The following NLGN1 variants were observed in gnomAD, a reference collection of about 807,000 sequenced individuals.
The protein encoded by NLGN1 is neuroligin-1.
A neutral mutation model predicts 65.5 loss-of-function variants in NLGN1; 12 were observed. The observed-to-expected ratio is 0.18, with a 90% confidence interval of 0.12 to 0.30. The LOEUF is 0.30. NLGN1 is among the 10% of genes least tolerant of loss of function. The pLI, the probability that NLGN1 is intolerant of heterozygous loss-of-function variation, is 1.00. For synonymous variants in NLGN1, 350 were observed against 359.5 expected (o/e 0.97, Z 0.30); for missense variants, 750 against 1,007.1 (o/e 0.74, Z 3.46).
chr3:174,244,473 A>G (rs915090927), intron 4 of NLGN1, among the ~76,000 whole-genome samples: 1 of 152,210 alleles, frequency 6.6e-6, no homozygotes, highest in African/African-American at 2.4e-5. Context: ...AGATGGAAAT[A>G]CCATACAGAA....
chr3:173,542,259 T>C (rs556628789), intron 2 of NLGN1, among the ~76,000 whole-genome samples: 1 of 152,166 alleles, frequency 6.6e-6, no homozygotes, highest in East Asian at 1.9e-4. Flanking sequence ...TGAATCCTCT[T>C]TTTGTTTTAT....
At chr3:173,800,336 C>A in intron 3 of NLGN1, 1 of 1,215,262 alleles carries the variant, frequency 8.2e-7, no homozygotes, top group Non-Finnish European at 1.1e-6. Context: ...GTGATAATGA[C>A]GGTGCTGAAG....
At chr3:173,888,516 A>G (rs1579006063) in intron 4 of NLGN1, among the ~76,000 whole-genome samples, 1 of 152,014 alleles carries the variant, frequency 6.6e-6, no homozygotes, top group African/African-American at 2.4e-5. Flanking sequence ...TGCAGAACCT[A>G]TGGGTATGGA....
intron 4 of NLGN1, among the ~76,000 whole-genome samples, chr3:174,192,318 T>A (rs1732551790): frequency 6.6e-6 from 1 of 152,160 alleles, no homozygotes. Context: ...ATGGATTTAA[T>A]CAAGTAACCA....
At chr3:173,818,972 A>G (rs2150519655) in intron 4 of NLGN1, among the ~76,000 whole-genome samples, 1 of 124,690 alleles carries the variant, frequency 8.0e-6, no homozygotes, top group South Asian at 2.5e-4. Context: ...ATGATCTTTG[A>G]TGTTCTGCCC....
chr3:173,435,701 A>T (rs1197392609), intron 2 of NLGN1, among the ~76,000 whole-genome samples: 1 of 152,046 alleles, frequency 6.6e-6, no homozygotes, highest in East Asian at 1.9e-4. Flanking sequence ...CAGGCGTGGC[A>T]GTGCACGCCT....
intron 2 of NLGN1, among the ~76,000 whole-genome samples, chr3:173,576,742 G>T (rs1044702371): frequency 1.3e-5 from 2 of 152,082 alleles, no homozygotes; most frequent in Admixed American, 1.3e-4. Context: ...AGTCTCTTTT[G>T]CCATATAAAG....
intron 4 of NLGN1, among the ~76,000 whole-genome samples, chr3:174,035,437 A>G (rs1730923839): frequency 6.6e-6 from 1 of 152,204 alleles, no homozygotes; most frequent in Non-Finnish European, 1.5e-5. Flanking sequence ...CTTGTACACC[A>G]GCCTGTTGTC....
At chr3:173,946,427 T>C (rs1206258553) in intron 4 of NLGN1, among the ~76,000 whole-genome samples, 4 of 152,226 alleles carry the variant, frequency 2.6e-5, no homozygotes, top group Non-Finnish European at 5.9e-5. Flanking sequence ...TTTATGAACA[T>C]TTCCTTTGTC....
intron 3 of NLGN1, among the ~76,000 whole-genome samples, chr3:173,729,483 G>A (rs1183233598): frequency 6.6e-6 from 1 of 151,670 alleles, no homozygotes; most frequent in Admixed American, 6.6e-5. Flanking sequence ...TTTTACCCAG[G>A]GACATAAGTT....
intron 4 of NLGN1, among the ~76,000 whole-genome samples, chr3:173,884,774 T>A (rs1734020127): frequency 2.0e-5 from 3 of 152,196 alleles, no homozygotes; most frequent in Admixed American, 6.5e-5. Context: ...GGATAATTGA[T>A]AAACAATTGA....
intron 3 of NLGN1, among the ~76,000 whole-genome samples, chr3:173,683,548 T>C (rs533757359): frequency 1.2e-3 from 185 of 152,300 alleles, no homozygotes; most frequent in African/African-American, 3.3e-3. Flanking sequence ...ACTCAAAATA[T>C]GGTTTTTTTA....
At chr3:173,995,169 C>T (rs1161793333) in intron 4 of NLGN1, among the ~76,000 whole-genome samples, 1 of 152,188 alleles carries the variant, frequency 6.6e-6, no homozygotes, top group Non-Finnish European at 1.5e-5. Flanking sequence ...AACGTTTTAT[C>T]CAGAGATTAT....
chr3:174,159,522 T>G (rs780760820), intron 4 of NLGN1, among the ~76,000 whole-genome samples: 1 of 151,716 alleles, frequency 6.6e-6, no homozygotes, highest in Non-Finnish European at 1.5e-5. Context: ...AATCAGGATC[T>G]AGTAAATAGG....
Position 173,902,023 on chromosome 3 carries a change from G to T in NLGN1, c.646+94191G>T, listed in dbSNP as rs147149666. On this transcript the variant is annotated intron_variant, in intron 4 of 6. Coordinates refer to ENST00000457714, the Ensembl canonical transcript of NLGN1. ...ATGTGGATTTTATTATTAGTACTTT[G>T]CTTGGCATCCAAAATTTGGTTCCCT... 7.3e-3 allele frequency among the ~76,000 whole-genome samples: 1,107 copies of T among 151,996 alleles called. 21 individuals carry two copies. The highest frequency in any genetic ancestry group is 0.025 in the African/African-American group (1,054 of 41,456).
chr3:174,184,380 C>T (rs1731020022), intron 4 of NLGN1, among the ~76,000 whole-genome samples: 1 of 152,004 alleles, frequency 6.6e-6, no homozygotes, highest in African/African-American at 2.4e-5. Context: ...AATAATGTCA[C>T]ATTACATAAA....
chr3:173,844,755 T>C (rs1725425254), intron 4 of NLGN1, among the ~76,000 whole-genome samples: 1 of 152,252 alleles, frequency 6.6e-6, no homozygotes, highest in African/African-American at 2.4e-5. Flanking sequence ...TCTAGACTTT[T>C]GCTGCATGAT....
intron 4 of NLGN1, among the ~76,000 whole-genome samples, chr3:173,942,393 C>G (rs1746318227): frequency 6.6e-6 from 1 of 152,026 alleles, no homozygotes; most frequent in Admixed American, 6.6e-5. Flanking sequence ...TGTAAACTTG[C>G]AGTGTATCAT....
At chr3:174,031,379 A>G (rs1729987724) in intron 4 of NLGN1, among the ~76,000 whole-genome samples, 1 of 152,170 alleles carries the variant, frequency 6.6e-6, no homozygotes, top group Non-Finnish European at 1.5e-5. Context: ...AGCCTCATCC[A>G]CTGAGCTTTT....
Sources: gnomAD v4.1 joint callset for allele counts (sites outside exome capture counted in the v4.1 genomes callset) on GRCh38, gnomAD v4.1.1 for gene constraint, MANE v1.5 for transcripts, NCBI Gene and HGNC (gene_info 2026-07-23, HGNC 2026-07-21) for gene names.